The following OSBPL5 variants were observed in gnomAD, a reference collection of about 807,000 sequenced individuals.
OSBPL5 encodes oxysterol-binding protein-related protein 5.
Under a neutral mutation model 111.2 loss-of-function variants are expected in OSBPL5, and 71 were observed. That is an observed-to-expected ratio of 0.64 (90% CI 0.53 to 0.78). The LOEUF (loss-of-function observed/expected upper bound fraction) is 0.78. Among genes scored for constraint, OSBPL5 ranks in the 30% least tolerant of loss-of-function variants. OSBPL5 has a pLI of 0.00. For missense variants in OSBPL5, 1,210 were observed against 1,189.3 expected (o/e 1.02, Z -0.26); for synonymous variants, 549 against 513.9 (o/e 1.07, Z -0.93).
Position 3,117,954 on chromosome 11 carries a change from T to A in OSBPL5, c.691+1593A>T, listed in dbSNP as rs1324031726. On this transcript the variant is annotated intron_variant, in intron 7 of 21. Coordinates refer to ENST00000263650, the MANE Select transcript of OSBPL5 (RefSeq NM_020896.4). ...CCAATTTCCCAGGATTGTTCTTTTG[T>A]TTGTTGTTGTTTTTCTGCCTTCCTC... 4.6e-5 allele frequency among the ~76,000 whole-genome samples: 7 copies of A among 152,148 alleles called. No individual in the cohort carries two copies. The East Asian group carries it at 1.2e-3, about 25-fold the overall frequency.
intron 1 of OSBPL5, among the ~76,000 whole-genome samples, chr11:3,149,355 T>C (rs1203479741): frequency 6.6e-6 from 1 of 152,180 alleles, no homozygotes; most frequent in African/African-American, 2.4e-5. Flanking sequence ...CCCTACCCTA[T>C]CTGGTGGCCA....
At position 3,165,038 on chromosome 11, in the gene OSBPL5, T is replaced by C. The variant is rs113637199; in HGVS notation, c.-22+178A>G. 0.029 allele frequency among the ~76,000 whole-genome samples: 4,332 copies of C among 149,020 alleles called. 76 individuals carry two copies. Among genetic ancestry groups the C allele is most frequent in the Non-Finnish European group, 0.042 (2,804 of 67,110 alleles). ...GCGCGCGACCGGCCCCGCGGCGTGG[T>C]TCCCCGCACTGGCTACTGCCAGGGT... On this transcript the variant is annotated intron_variant, in intron 1 of 21. Transcript: ENST00000263650. This position sits in a 1 kb window ranked among gnomAD's most constrained non-coding sequence, Gnocchi z 7.4.
chr11:3,092,699 T>G lies in OSBPL5; in HGVS notation c.2133-141A>C, dbSNP rs1857105299. 1 of 1,351,596 alleles carries G rather than the reference T, an allele frequency of 7.4e-7. No individual in the cohort carries two copies. Among genetic ancestry groups the G allele is most frequent in the African/African-American group, 1.5e-5 (1 of 68,106 alleles). The allele number at this position is 1,351,596 out of a possible 1,614,324, so 83.7% of individuals were successfully genotyped here. A position where few individuals can be genotyped will look rare whatever the true frequency, so the allele number is the denominator to read the frequency against. ...CTGCCCACACCCCATGGGCAGGGCCTGCAGTAAGGACTGATGATGGGGGGT... is the reference window on the plus strand; with the variant it reads ...CTGCCCACACCCCATGGGCAGGGCCGGCAGTAAGGACTGATGATGGGGGGT... On this transcript the variant is annotated intron_variant, in intron 18 of 21. Coordinates refer to ENST00000263650, the MANE Select transcript of OSBPL5 (RefSeq NM_020896.4). This position sits in a 1 kb window ranked among gnomAD's most constrained non-coding sequence, Gnocchi z 5.4.
chr11:3,139,945 G>A (rs1377175677), intron 1 of OSBPL5, among the ~76,000 whole-genome samples: 1 of 152,234 alleles, frequency 6.6e-6, no homozygotes, highest in East Asian at 1.9e-4. Context: ...ACCAACAGGA[G>A]CTCTTCCCTG....
intron 1 of OSBPL5, among the ~76,000 whole-genome samples, chr11:3,143,348 CG>C (rs1295402174): frequency 6.6e-6 from 1 of 152,128 alleles, no homozygotes; most frequent in Non-Finnish European, 1.5e-5. Flanking sequence ...CGAAAACGCA[CG>C]GACGCGACAC....
chr11:3,143,108 A>G lies in OSBPL5; in HGVS notation c.-21-13939T>C, dbSNP rs1450481299. 3.3e-3 allele frequency among the ~76,000 whole-genome samples: 168 copies of G among 51,582 alleles called. 3 individuals are homozygous for G. Among genetic ancestry groups the G allele is most frequent in the African/African-American group, 0.013 (153 of 11,352 alleles). 33.8% of individuals were successfully genotyped at this position (51,582 alleles called of 152,430 possible). The stretch of plus-strand genomic sequence containing the variant: ...AGGGGGGCAGAGGAGGCAGGTGCAG[A>G]GCCGGGCAGAGGAGGCAGGTGCAGA... On this transcript the variant is annotated intron_variant, in intron 1 of 21. Coordinates refer to ENST00000263650, the MANE Select transcript of OSBPL5 (RefSeq NM_020896.4).
At chr11:3,088,924 G>A (rs899948585) in intron 21 of OSBPL5, among the ~76,000 whole-genome samples, 2 of 152,124 alleles carry the variant, frequency 1.3e-5, no homozygotes, top group Admixed American at 6.5e-5. Context: ...TAGACGCGCT[G>A]TCCGAGCCCC....
chr11:3,120,776 C>G (rs1374267679), intron 5 of OSBPL5, 152 bp from the exon 6 acceptor site: 4 of 796,446 alleles, frequency 5.0e-6, no homozygotes, highest in Non-Finnish European at 6.1e-6. Context: ...TCGGAACTCA[C>G]CCCTTCCTCA....
intron 7 of OSBPL5, among the ~76,000 whole-genome samples, chr11:3,111,155 C>A: frequency 3.3e-5 from 5 of 150,696 alleles, no homozygotes; most frequent in Admixed American, 1.3e-4. Context: ...GCCCCACCCC[C>A]ACCCCCTGCC....
At position 3,154,766 on chromosome 11, in the gene OSBPL5, G is replaced by T. The variant is rs1165032803; in HGVS notation, c.-22+10450C>A. Among the ~76,000 whole-genome samples the T allele has an allele frequency of 6.6e-6, 1 of 152,160 alleles. No individual in the cohort carries two copies. The highest frequency in any genetic ancestry group is 1.5e-5 in the Non-Finnish European group (1 of 68,038). ...TCAGCCCCTAGGACCTGAGAAAGCG[G>T]CTGTACTTGGAGATGGGGTCTTTAA... On this transcript the variant is annotated intron_variant, in intron 1 of 21. Transcript: ENST00000263650. This position sits in a 1 kb window ranked among gnomAD's most constrained non-coding sequence, Gnocchi z 4.9.
At position 3,090,700 on chromosome 11, in the gene OSBPL5, C is replaced by T. The variant is rs770848315; in HGVS notation, c.2260-4G>A. 2 of 1,608,988 alleles carry T rather than the reference C, an allele frequency of 1.2e-6. No homozygotes were observed. The highest frequency in any genetic ancestry group is 2.2e-5 in the East Asian group (1 of 44,822). Reference sequence around the variant, plus strand: ...GCCGCTGGTCTGGGCCAGACCTCTGCAGAGAAATGGAGCTGCTGCAGCTGA... The same window carrying T: ...GCCGCTGGTCTGGGCCAGACCTCTGTAGAGAAATGGAGCTGCTGCAGCTGA... On this transcript the variant is annotated splice_region_variant and splice_polypyrimidine_tract_variant and intron_variant, in intron 19 of 21. Coordinates refer to ENST00000263650, the MANE Select transcript of OSBPL5 (RefSeq NM_020896.4).
rs1857711323 is a variant in OSBPL5, at chr11:3,106,848, CCAG to C, written c.1059+412_1059+414del. 6.6e-6 allele frequency among the ~76,000 whole-genome samples: 1 copy of C among 152,084 alleles called. No homozygotes were observed. Among genetic ancestry groups the C allele is most frequent in the Admixed American group, 6.5e-5 (1 of 15,276 alleles). Reference sequence around the variant, plus strand: ...GCTCTCCCAGGGCCCCAGGAGAGCACCAGGTGTGCAGGTGCCTGTGAGCATGGG... The same window carrying C: ...GCTCTCCCAGGGCCCCAGGAGAGCACGTGTGCAGGTGCCTGTGAGCATGGG... On this transcript the variant is annotated intron_variant, in intron 9 of 21. Transcript: ENST00000263650. The surrounding 1 kb of genome is among the most constrained non-coding windows in gnomAD (Gnocchi z 8.4).
Position 3,121,260 on chromosome 11 carries a change from T to G in OSBPL5, c.403-636A>C, listed in dbSNP as rs921875290. Among the ~76,000 whole-genome samples the G allele has an allele frequency of 7.2e-5, 11 of 151,854 alleles. No individual in the cohort carries two copies. Among genetic ancestry groups the G allele is most frequent in the African/African-American group, 2.7e-4 (11 of 41,348 alleles). ...TTTAGTAGAGACGGGGTTTTGCCAT[T>G]TTGGACAGGCTGGTCTCAAACTCCT... is the stretch of plus-strand genomic sequence containing the variant. On this transcript the variant is annotated intron_variant, in intron 5 of 21. Transcript: ENST00000263650. The surrounding 1 kb of genome is among the most constrained non-coding windows in gnomAD (Gnocchi z 4.3).
rs574149611 is a variant in OSBPL5 at position 3,097,941 on chromosome 11, G to A, written c.1621+2217C>T. Among the ~76,000 whole-genome samples the A allele has an allele frequency of 5.9e-5, 9 of 152,200 alleles. No individual in the cohort carries two copies. In the South Asian group the frequency reaches 1.9e-3, roughly 32 times the overall value. ...AAATTTGCTGGGCGTGGTGGCGGGC[G>A]CCTGTAGTCCCAGCTACTCAGGAGG... On this transcript the variant is annotated intron_variant, in intron 14 of 21. Coordinates refer to ENST00000263650, the MANE Select transcript of OSBPL5 (RefSeq NM_020896.4).
chr11:3,104,453 G>C lies in OSBPL5; in HGVS notation c.1060-76C>G. 6.7e-7 allele frequency: 1 copy of C among 1,503,106 alleles called. No individual in the cohort carries two copies. Among genetic ancestry groups the C allele is most frequent in the African/African-American group, 1.4e-5 (1 of 72,000 alleles). 93.1% of individuals were successfully genotyped at this position (1,503,106 alleles called of 1,614,324 possible). Reference sequence around the variant, plus strand: ...GGGGTGGCGGGACAGTGGCAGCTCTGGCTGGAGGAGGCTGTACCTGCCACC... The same window carrying C: ...GGGGTGGCGGGACAGTGGCAGCTCTCGCTGGAGGAGGCTGTACCTGCCACC... On this transcript the variant is annotated intron_variant, in intron 9 of 21. Transcript: ENST00000263650. This position sits in a 1 kb window ranked among gnomAD's most constrained non-coding sequence, Gnocchi z 5.0.
chr11:3,123,971 T>C (rs959198975), intron 3 of OSBPL5, among the ~76,000 whole-genome samples: 1 of 152,204 alleles, frequency 6.6e-6, no homozygotes, highest in African/African-American at 2.4e-5. Flanking sequence ...GGTTAGAAAG[T>C]AAAGATGCCA....
chr11:3,134,818 C>T (rs1446056436), intron 1 of OSBPL5, among the ~76,000 whole-genome samples: 4 of 117,812 alleles, frequency 3.4e-5, no homozygotes, highest in Non-Finnish European at 7.1e-5. Flanking sequence ...GGGGGTGATC[C>T]TGTGACCCAG....
intron 21 of OSBPL5, among the ~76,000 whole-genome samples, chr11:3,089,227 G>A (rs540324265): frequency 1.3e-5 from 2 of 152,332 alleles, no homozygotes; most frequent in East Asian, 3.9e-4. Context: ...TTCACCCTGG[G>A]GTACTGCTAT....
At chr11:3,112,060 T>C (rs879683491) in intron 7 of OSBPL5, among the ~76,000 whole-genome samples, 6,681 of 77,588 alleles carry the variant, frequency 0.086, 81 homozygotes, top group South Asian at 0.16. Flanking sequence ...TGTGTGCATG[T>C]GTATGTGTGT....
Sources: allele counts gnomAD v4.1 joint callset (sites outside exome capture counted in the v4.1 genomes callset), GRCh38; gene constraint gnomAD v4.1.1; non-coding constraint Gnocchi (gnomAD v3.1); transcripts MANE v1.5; gene names NCBI Gene and HGNC (gene_info 2026-07-23, HGNC 2026-07-21).